Variants in SEC24A observed in about 807,000 individuals in gnomAD.
SEC24A encodes protein transport protein Sec24A.
In SEC24A, 93 loss-of-function variants were observed where a neutral mutation model predicts 129.4. The ratio of observed to expected loss-of-function variants is 0.72; its 90% CI spans 0.61 to 0.85. The LOEUF (loss-of-function observed/expected upper bound fraction) is 0.85, where lower values mean the gene tolerates loss of function less well. Among genes scored for constraint, SEC24A ranks in the 40% least tolerant of loss-of-function variants. The pLI is 0.00. For synonymous variants in SEC24A, 460 were observed against 467.3 expected, an observed-to-expected ratio of 0.98 and a Z score of 0.20; for missense variants, 1,264 against 1,307.4, an observed-to-expected ratio of 0.97 and a Z score of 0.51.
intron 19 of SEC24A, among the ~76,000 whole-genome samples, chr5:134,716,321 T>G (rs1337841721): frequency 6.6e-6 from 1 of 151,334 alleles, no homozygotes; most frequent in Non-Finnish European, 1.5e-5. Flanking sequence ...AACAAAAAAA[T>G]TGGCCAGCTC....
intron 1 of SEC24A, among the ~76,000 whole-genome samples, chr5:134,656,411 T>C (rs1003865523): frequency 6.6e-6 from 1 of 152,026 alleles, no homozygotes; most frequent in Non-Finnish European, 1.5e-5. Context: ...CATCTCCACT[T>C]AGATTTCTTG....
chr5:134,700,272 G>A (rs1751966024), intron 15 of SEC24A, among the ~76,000 whole-genome samples: 1 of 151,762 alleles, frequency 6.6e-6, no homozygotes, highest in African/African-American at 2.4e-5. Context: ...CCTGGCTGGA[G>A]TGCAGTGGCA....
At chr5:134,693,704 G>A (rs778309455) in intron 12 of SEC24A, 23 bp from the exon 13 acceptor site, 2 of 1,607,870 alleles carry the variant, frequency 1.2e-6, no homozygotes, top group Non-Finnish European at 1.7e-6. Flanking sequence ...TGACACTTGA[G>A]TTTTCTTGCT....
At chr5:134,675,885 A>G (rs1315467321) in intron 6 of SEC24A, 138 bp from the exon 7 acceptor site, 10 of 555,420 alleles carry the variant, frequency 1.8e-5, no homozygotes, top group Non-Finnish European at 3.1e-5. Context: ...TAAATGGGAT[A>G]AAATTTTGAG....
intron 19 of SEC24A, among the ~76,000 whole-genome samples, chr5:134,717,661 G>A (rs570395295): frequency 6.6e-6 from 1 of 151,716 alleles, no homozygotes; most frequent in South Asian, 2.1e-4. Context: ...GCTCACGCCT[G>A]TAACAGCACT....
intron 9 of SEC24A, among the ~76,000 whole-genome samples, chr5:134,686,483 C>T (rs1464839329): frequency 1.3e-5 from 2 of 152,232 alleles, no homozygotes; most frequent in East Asian, 3.9e-4. Flanking sequence ...GTGATCTGCC[C>T]GCCTTGGCCT....
intron 18 of SEC24A, among the ~76,000 whole-genome samples, chr5:134,709,949 G>A (rs1752271738): frequency 6.6e-6 from 1 of 151,912 alleles, no homozygotes; most frequent in African/African-American, 2.4e-5. Context: ...ACCCAGGCTG[G>A]AGTGCAGTAG....
At chr5:134,692,558 A>G (rs749939872) in intron 11 of SEC24A, 44 bp from the exon 12 acceptor site, 2 of 1,015,584 alleles carry the variant, frequency 2.0e-6, no homozygotes, top group South Asian at 2.8e-5. Context: ...CACACTTTTA[A>G]TTATTACATT....
intron 4 of SEC24A, among the ~76,000 whole-genome samples, chr5:134,673,328 A>G (rs905171169): frequency 1.1e-4 from 17 of 152,182 alleles, no homozygotes; most frequent in African/African-American, 3.9e-4. Flanking sequence ...TGCTGGGATT[A>G]CAGGTATGAG....
chr5:134,649,278 G>A, intron 1 of SEC24A, 105 bp downstream of exon 1: 1 of 796,222 alleles, frequency 1.3e-6, no homozygotes, highest in East Asian at 3.2e-5. Flanking sequence ...CCTCCTTACC[G>A]GGTTCTGGCG....
intron 1 of SEC24A, among the ~76,000 whole-genome samples, chr5:134,650,171 G>T (rs1044658853): frequency 6.6e-6 from 1 of 152,124 alleles, no homozygotes; most frequent in Non-Finnish European, 1.5e-5. Context: ...CTGTGAGTAG[G>T]CAACTATGTG....
intron 2 of SEC24A, among the ~76,000 whole-genome samples, chr5:134,666,353 C>G (rs1479085691): frequency 1.3e-5 from 2 of 152,004 alleles, no homozygotes; most frequent in Non-Finnish European, 2.9e-5. Flanking sequence ...GTCAGGAGCT[C>G]GAGACCAGCC....
At chr5:134,663,287 AGTAGGGTAACAC>A (rs985601993) in intron 2 of SEC24A, among the ~76,000 whole-genome samples, 1 of 151,982 alleles carries the variant, frequency 6.6e-6, no homozygotes, top group African/African-American at 2.4e-5. Context: ...CCCAGGGTAG[AGTAGGGTAACAC>A]GATCATAGCT....
intron 4 of SEC24A, among the ~76,000 whole-genome samples, chr5:134,673,243 A>G (rs1466406931): frequency 6.6e-6 from 1 of 151,018 alleles, no homozygotes; most frequent in Non-Finnish European, 1.5e-5. Flanking sequence ...TTTAGTAGAG[A>G]TAGGGTTTAA....
chr5:134,721,948 A>C (rs988943346), intron 21 of SEC24A, among the ~76,000 whole-genome samples: 2 of 152,242 alleles, frequency 1.3e-5, no homozygotes, highest in African/African-American at 2.4e-5. Context: ...CTTAAACAGA[A>C]CTACTGGGCT....
intron 18 of SEC24A, 42 bp downstream of exon 18, chr5:134,708,930 G>A (rs1752243354): frequency 6.4e-7 from 1 of 1,571,194 alleles, no homozygotes; most frequent in South Asian, 1.2e-5. Flanking sequence ...TGATGGCCAG[G>A]CACTGTGGCC....
At chr5:134,688,452 ATC>A (rs1413290289) in intron 11 of SEC24A, among the ~76,000 whole-genome samples, 153 bp downstream of exon 11, 1 of 152,162 alleles carries the variant, frequency 6.6e-6, no homozygotes, top group Non-Finnish European at 1.5e-5. Context: ...TTTCAGTTCA[ATC>A]TCTCATTTTA....
At chr5:134,683,129 TCTC>T (rs1751332077) in intron 9 of SEC24A, among the ~76,000 whole-genome samples, 1 of 150,732 alleles carries the variant, frequency 6.6e-6, no homozygotes, top group Non-Finnish European at 1.5e-5. Context: ...TTCAAGCAAT[TCTC>T]CTGCCTCAGC....
At chr5:134,709,224 A>G (rs1752252814) in intron 18 of SEC24A, among the ~76,000 whole-genome samples, 1 of 150,088 alleles carries the variant, frequency 6.7e-6, no homozygotes, top group Non-Finnish European at 1.5e-5. Context: ...ATAAACAAAA[A>G]GAAAGAAACG....
Sources: gnomAD v4.1 joint callset for allele counts (sites outside exome capture counted in the v4.1 genomes callset) on GRCh38, gnomAD v4.1.1 for gene constraint, MANE v1.5 for transcripts, NCBI Gene and HGNC (gene_info 2026-07-23, HGNC 2026-07-21) for gene names.